DIXDC1: variants seen among roughly 807,000 people sequenced by gnomAD.
DIXDC1 encodes the protein DIX domain containing 1.
A neutral mutation model predicts 103.1 loss-of-function variants in DIXDC1; 64 were observed. The observed-to-expected ratio is 0.62, with a 90% CI of 0.51 to 0.76. DIXDC1 has a LOEUF of 0.76. Ranked by LOEUF, DIXDC1 falls within the 30% of genes least tolerant of loss-of-function variation. The pLI, the probability that DIXDC1 is intolerant of heterozygous loss-of-function variation, is 0.00. For missense variants in DIXDC1, 759 were observed against 834.2 expected (o/e 0.91, Z 1.11); for synonymous variants, 266 against 298.5 (o/e 0.89, Z 1.12).
rs1325729766 is a variant in DIXDC1 at position 112,020,087 on chromosome 11, C to T, written c.*1051C>T. On this transcript the variant is annotated 3_prime_UTR_variant, in exon 20 of 20. Transcript: ENST00000440460. ...TTAGGGCACAATAGAAACCATGGGG[C>T]GTGGAGCATGAGTTGTGAATGGCAG... is the stretch of plus-strand genomic sequence containing the variant. 2.0e-5 allele frequency: 3 copies of T among 152,024 alleles called. No individual in the cohort carries two copies. Among genetic ancestry groups the T allele is most frequent in the African/African-American group, 2.4e-5 (1 of 41,340 alleles). The allele number at this position is 152,024 out of a possible 1,614,324, so 9.4% of individuals were successfully genotyped here. A position where few individuals can be genotyped will look rare whatever the true frequency, so the allele number is the denominator to read the frequency against.
chr11:111,977,566 T>TCGCTGGGGCCGAGACGC lies in DIXDC1; in HGVS notation c.656+2587_656+2603dup. On this transcript the variant is annotated intron_variant, in intron 5 of 19. Transcript: ENST00000440460. This position sits in a 1 kb window ranked among gnomAD's most constrained non-coding sequence, Gnocchi z 6.1. Reference sequence around the variant, plus strand: ...CGCTTCAGAGCCTGGAGCATCCCAGTCGCTGGGGCCGAGACGCCGCCGCCG... The same window carrying TCGCTGGGGCCGAGACGC: ...CGCTTCAGAGCCTGGAGCATCCCAGTCGCTGGGGCCGAGACGCCGCTGGGGCCGAGACGCCGCCGCCG... The TCGCTGGGGCCGAGACGC allele has an allele frequency of 2.7e-6, 4 of 1,486,160 alleles. No individual in the cohort carries two copies. Among genetic ancestry groups the TCGCTGGGGCCGAGACGC allele is most frequent in the Non-Finnish European group, 3.6e-6 (4 of 1,117,818 alleles). 92.1% of individuals were successfully genotyped at this position (1,486,160 alleles called of 1,614,324 possible).
Position 112,011,719 on chromosome 11 carries a change from C to T in DIXDC1, c.1757-4972C>T, listed in dbSNP as rs1178446808. The stretch of plus-strand genomic sequence containing the variant: ...ATCACAAGGACCAAAAACCAAACAC[C>T]GCATGTCCTCACTCATAGGTGGGAA... On this transcript the variant is annotated intron_variant, in intron 17 of 19. Coordinates refer to ENST00000440460, the MANE Select transcript of DIXDC1 (RefSeq NM_001037954.4). Among the ~76,000 whole-genome samples, 7 of 152,036 alleles carry T rather than the reference C, an allele frequency of 4.6e-5. 1 individual carries two copies. In the East Asian group the frequency reaches 5.8e-4, roughly 13 times the overall value.
chr11:111,971,627 C>T (rs1859931499), intron 3 of DIXDC1, among the ~76,000 whole-genome samples: 1 of 152,190 alleles, frequency 6.6e-6, no homozygotes, highest in Non-Finnish European at 1.5e-5. Context: ...AGGACACATG[C>T]ACCCGTAGGT....
At chr11:111,971,408 C>G (rs111505579) in intron 3 of DIXDC1, among the ~76,000 whole-genome samples, 5,813 of 152,232 alleles carry the variant, frequency 0.038, 346 homozygotes, top group African/African-American at 0.13. Flanking sequence ...CAATGAGATA[C>G]TATCTCACAC....
intron 1 of DIXDC1, among the ~76,000 whole-genome samples, chr11:111,950,438 A>ATATATATATATATATATTTT (rs1566474004): frequency 6.6e-5 from 1 of 15,168 alleles, no homozygotes; most frequent in Non-Finnish European, 1.1e-4. Context: ...ATATATATAT[A>ATATATATATATATATATTTT]TTTTTTTTTT....
At chr11:111,939,660 A>G (rs782820078) in intron 1 of DIXDC1, among the ~76,000 whole-genome samples, 5 of 152,148 alleles carry the variant, frequency 3.3e-5, no homozygotes, top group Non-Finnish European at 7.3e-5. Flanking sequence ...ATGGTTCCTT[A>G]CAGTTTAAAT....
intron 11 of DIXDC1, 33 bp downstream of exon 11, chr11:111,992,552 A>G: frequency 6.5e-7 from 1 of 1,527,588 alleles, no homozygotes; most frequent in Non-Finnish European, 8.9e-7. Flanking sequence ...GACCTCAGTG[A>G]GCCCCATTAG....
At position 112,020,538 on chromosome 11, in the gene DIXDC1, G is replaced by T. The variant is rs1391447521; in HGVS notation, c.*1502G>T. 6.6e-6 allele frequency: 1 copy of T among 152,320 alleles called. No homozygotes were observed. The highest frequency in any genetic ancestry group is 2.4e-5 in the African/African-American group (1 of 41,454). The allele number at this position is 152,320 out of a possible 1,614,324, so 9.4% of individuals were successfully genotyped here. A position where few individuals can be genotyped will look rare whatever the true frequency, so the allele number is the denominator to read the frequency against. The stretch of plus-strand genomic sequence containing the variant: ...AACCATGTCTATTTTTATAACTGGA[G>T]TGTGAGTTCTGTATCTTCTCACATT... On this transcript the variant is annotated 3_prime_UTR_variant, in exon 20 of 20. Coordinates refer to ENST00000440460, the MANE Select transcript of DIXDC1 (RefSeq NM_001037954.4).
At position 111,977,979 on chromosome 11, in the gene DIXDC1, G is replaced by T. The variant is rs1860174126; in HGVS notation, c.657-2758G>T. 1.3e-5 allele frequency among the ~76,000 whole-genome samples: 2 copies of T among 152,154 alleles called. No homozygotes were observed. Among genetic ancestry groups the T allele is most frequent in the Non-Finnish European group, 2.9e-5 (2 of 68,026 alleles). On this transcript the variant is annotated intron_variant, in intron 5 of 19. Coordinates refer to ENST00000440460, the MANE Select transcript of DIXDC1 (RefSeq NM_001037954.4). This position sits in a 1 kb window ranked among gnomAD's most constrained non-coding sequence, Gnocchi z 6.1. ...GTAGGAAGTGGAGCCAGCATGGGGGGAGGATGAGTAGCCCTTGCGCCTGCC... is the reference window on the plus strand; with the variant it reads ...GTAGGAAGTGGAGCCAGCATGGGGGTAGGATGAGTAGCCCTTGCGCCTGCC...
intron 1 of DIXDC1, among the ~76,000 whole-genome samples, chr11:111,950,294 T>C (rs1966735707): frequency 6.6e-6 from 1 of 150,770 alleles, no homozygotes; most frequent in South Asian, 2.1e-4. Flanking sequence ...GCTGAGTATC[T>C]GGTTTTATAC....
At chr11:111,990,999 C>T (rs587598563) in intron 10 of DIXDC1, among the ~76,000 whole-genome samples, 3 of 152,252 alleles carry the variant, frequency 2.0e-5, no homozygotes, top group African/African-American at 4.8e-5. Context: ...GCCACCATGC[C>T]GAGCCTGAAT....
intron 12 of DIXDC1, 79 bp downstream of exon 12, chr11:111,993,083 T>A: frequency 6.9e-7 from 1 of 1,439,396 alleles, no homozygotes; most frequent in East Asian, 2.5e-5. Context: ...AAAAAGCACT[T>A]AAGTATTCTA....
chr11:111,937,095 G>A, upstream of DIXDC1: 1 of 417,022 alleles, frequency 2.4e-6, no homozygotes, highest in Non-Finnish European at 3.2e-6. Flanking sequence ...GTGTGTGTGT[G>A]TAGCGCACGC....
intron 5 of DIXDC1, chr11:111,975,813 A>C (rs1159326135): frequency 2.0e-6 from 2 of 985,242 alleles, no homozygotes; most frequent in African/African-American, 3.5e-5. Context: ...TTTTCTCATA[A>C]AACTCCATCC....
intron 7 of DIXDC1, among the ~76,000 whole-genome samples, chr11:111,983,801 C>T (rs1860402284): frequency 1.3e-5 from 2 of 152,202 alleles, no homozygotes; most frequent in African/African-American, 2.4e-5. Flanking sequence ...TTTTAATTCA[C>T]AGCCACATGA....
At chr11:112,008,063 A>T (rs1213341055) in intron 17 of DIXDC1, among the ~76,000 whole-genome samples, 1 of 151,632 alleles carries the variant, frequency 6.6e-6, no homozygotes, top group African/African-American at 2.4e-5. Context: ...GGAGACCCAT[A>T]TCACGTGCAG....
chr11:111,995,127 G>C lies in DIXDC1; in HGVS notation c.1527+19G>C, dbSNP rs895856621. 2.5e-6 allele frequency: 4 copies of C among 1,610,378 alleles called. No individual in the cohort carries two copies. The highest frequency in any genetic ancestry group is 1.3e-5 in the African/African-American group (1 of 74,946). ...CAGAGGGGTACGTACCTGGAGTTTT[G>C]ATGGAGTCCTGCCACTTCTCACTGA... On this transcript the variant is annotated intron_variant, in intron 15 of 19. Coordinates refer to ENST00000440460, the MANE Select transcript of DIXDC1 (RefSeq NM_001037954.4).
rs1860154918 is a variant in DIXDC1 at position 111,977,601 on chromosome 11, C to T, written c.656+2618C>T. The T allele has an allele frequency of 1.3e-6, 2 of 1,516,124 alleles. No individual in the cohort carries two copies. Among genetic ancestry groups the T allele is most frequent in the Non-Finnish European group, 8.8e-7 (1 of 1,131,684 alleles). 93.9% of individuals were successfully genotyped at this position (1,516,124 alleles called of 1,614,324 possible). Reference sequence around the variant, plus strand: ...CGAGACGCCGCCGCCGCCGCCGTTCCCGCTTTCTCCCGCGAGCCGGGCCAG... The same window carrying T: ...CGAGACGCCGCCGCCGCCGCCGTTCTCGCTTTCTCCCGCGAGCCGGGCCAG... On this transcript the variant is annotated intron_variant, in intron 5 of 19. Coordinates refer to ENST00000440460, the MANE Select transcript of DIXDC1 (RefSeq NM_001037954.4). The surrounding 1 kb of genome is among the most constrained non-coding windows in gnomAD (Gnocchi z 6.1).
At chr11:111,938,228 G>T (rs199500364) in intron 1 of DIXDC1, among the ~76,000 whole-genome samples, 33 of 152,316 alleles carry the variant, frequency 2.2e-4, no homozygotes, top group East Asian at 5.8e-4. Context: ...CCGACAAGGG[G>T]TCATTTCCTC....
Sources: gnomAD v4.1 joint callset for allele counts (sites outside exome capture counted in the v4.1 genomes callset) on GRCh38, gnomAD v4.1.1 for gene constraint, Gnocchi (gnomAD v3.1) non-coding constraint, MANE v1.5 for transcripts, NCBI Gene and HGNC (gene_info 2026-07-23, HGNC 2026-07-21) for gene names.